The following NHSL2 variants were observed in gnomAD, a reference collection of about 807,000 sequenced individuals.
The protein encoded by NHSL2 is NHS-like protein 2.
In NHSL2, 27 loss-of-function variants were observed where a neutral mutation model predicts 53.4. The observed-to-expected ratio is 0.51, with a 90% confidence interval of 0.37 to 0.70. NHSL2 has a LOEUF of 0.70. Ranked by LOEUF, NHSL2 falls within the 30% of genes least tolerant of loss-of-function variation. The probability of loss-of-function intolerance (pLI) is 0.00; values close to 1 mark genes in which losing one functional copy is unlikely to be tolerated. For synonymous variants in NHSL2, 408 were observed against 404.1 expected (o/e 1.01, Z -0.12); for missense variants, 892 against 980.1 (o/e 0.91, Z 1.20).
intron 1 of NHSL2, among the ~76,000 whole-genome samples, chrX:71,924,409 GGGTA>G (rs2041674451): frequency 8.9e-6 from 1 of 111,804 alleles, no homozygotes; most frequent in African/African-American, 3.3e-5. Flanking sequence ...CCTACCCTAT[GGGTA>G]GGAGGCAGAG....
At chrX:72,111,513 T>C (rs2042093376) in intron 1 of NHSL2, among the ~76,000 whole-genome samples, 1 of 112,476 alleles carries the variant, frequency 8.9e-6, no homozygotes, top group Admixed American at 9.4e-5. Context: ...GAGACATTAT[T>C]ATTATCTCAG....
chrX:72,119,663 G>C (rs1218082953), intron 1 of NHSL2, among the ~76,000 whole-genome samples: 1 of 112,106 alleles, frequency 8.9e-6, no homozygotes, highest in Admixed American at 9.4e-5. Flanking sequence ...GATTCCTTAG[G>C]ATTTTCTATG....
intron 1 of NHSL2, among the ~76,000 whole-genome samples, chrX:72,084,121 T>A (rs1010954952): frequency 2.7e-5 from 3 of 112,485 alleles, no homozygotes; most frequent in African/African-American, 9.7e-5. Context: ...TATTGTAGCA[T>A]CTCTCACATT....
rs751212612 is a variant in NHSL2 at position 72,149,135 on chromosome X, C to G, written c.*5561C>G. The G allele has an allele frequency of 9.1e-6, 1 of 109,412 alleles. No individual in the cohort carries two copies. The highest frequency in any genetic ancestry group is 3.3e-5 in the African/African-American group (1 of 29,964). The allele number at this position is 109,412 out of a possible 1,213,427, so 9.0% of individuals were successfully genotyped here. A position where few individuals can be genotyped will look rare whatever the true frequency, so the allele number is the denominator to read the frequency against. ...TTAAAAAGAACTTATCATATTGGATCAACAAATTGCTCAACCTGCAAAATC... is the reference window on the plus strand; with the variant it reads ...TTAAAAAGAACTTATCATATTGGATGAACAAATTGCTCAACCTGCAAAATC... On this transcript the variant is annotated 3_prime_UTR_variant, in exon 8 of 8. Coordinates refer to ENST00000633930, the MANE Select transcript of NHSL2 (RefSeq NM_001013627.3).
rs1442049897 is a variant in NHSL2 at position 72,134,203 on chromosome X, G to A, written c.549G>A (p.Leu183=). The change falls in exon 3 of 8, where the codon CTG becomes CTA. Residue 183 remains leucine (L), a synonymous_variant. Transcript: ENST00000633930. The part of the protein sequence containing the change: ...PNPRPQSARR[L]EFILMPTKRQ... Reference sequence around the variant, plus strand: ...CAAGGCCCCAGTCTGCCAGGCGTCTGGAGTTTATATTGATGGTGAGTTGCC... The same window carrying A: ...CAAGGCCCCAGTCTGCCAGGCGTCTAGAGTTTATATTGATGGTGAGTTGCC... The A allele has an allele frequency of 4.3e-6, 5 of 1,167,028 alleles. No homozygotes were observed. The highest frequency in any genetic ancestry group is 5.7e-6 in the Non-Finnish European group (5 of 872,244).
intron 1 of NHSL2, among the ~76,000 whole-genome samples, chrX:71,928,347 G>C (rs2041695764): frequency 8.9e-6 from 1 of 112,235 alleles, no homozygotes; most frequent in African/African-American, 3.2e-5. Context: ...ATCCTGAAAA[G>C]GGGGAAATAT....
chrX:72,131,315 T>G lies in NHSL2; in HGVS notation c.281-764T>G. 3.3e-6 allele frequency: 4 copies of G among 1,200,507 alleles called. No individual in the cohort carries two copies. The highest frequency in any genetic ancestry group is 3.4e-6 in the Non-Finnish European group (3 of 889,930). On this transcript the variant is annotated intron_variant, in intron 1 of 7. Transcript: ENST00000633930. ...AGTTCTCCCCCGGGAATGACTTCGATCTCACTGAGCGCGAACTCCAAGTTC... is the reference window on the plus strand; with the variant it reads ...AGTTCTCCCCCGGGAATGACTTCGAGCTCACTGAGCGCGAACTCCAAGTTC...
Position 71,980,824 on chromosome X carries a change from G to A in NHSL2, c.280+69457G>A, listed in dbSNP as rs1048658901. Among the ~76,000 whole-genome samples, 8 of 111,402 alleles carry A rather than the reference G, an allele frequency of 7.2e-5. No homozygotes were observed. In the South Asian group the frequency reaches 1.9e-3, roughly 26 times the overall value. ...AAGGAGGATAGTAGAAAGATATACC[G>A]TGAAGAGTTACTGCAAAAATAAGAG... is the stretch of plus-strand genomic sequence containing the variant. On this transcript the variant is annotated intron_variant, in intron 1 of 7. Coordinates refer to ENST00000633930, the MANE Select transcript of NHSL2 (RefSeq NM_001013627.3).
rs1187551918 is a variant in NHSL2, at chrX:71,971,240, T to C, written c.280+59873T>C. Among the ~76,000 whole-genome samples, 7 of 112,162 alleles carry C rather than the reference T, an allele frequency of 6.2e-5. No individual in the cohort carries two copies. The East Asian group carries it at 1.9e-3, about 31-fold the overall frequency. ...TACACCTTAACTTGTCAGAATCTAC[T>C]TCAGATTTGTAGTAAGTTAATTCCA... On this transcript the variant is annotated intron_variant, in intron 1 of 7. Transcript: ENST00000633930.
chrX:72,019,641 C>T (rs925420249), intron 1 of NHSL2, among the ~76,000 whole-genome samples: 12 of 111,480 alleles, frequency 1.1e-4, no homozygotes, highest in Non-Finnish European at 1.7e-4. Flanking sequence ...CTGTTTGAAC[C>T]GAGTCTTGAA....
chrX:71,913,363 A>G (rs1208297180), intron 1 of NHSL2, among the ~76,000 whole-genome samples: 1 of 112,075 alleles, frequency 8.9e-6, no homozygotes, highest in African/African-American at 3.2e-5. Flanking sequence ...AAATGCAAAG[A>G]GAGTTGGGGA....
At chrX:71,925,735 T>C (rs1171061751) in intron 1 of NHSL2, among the ~76,000 whole-genome samples, 1 of 112,306 alleles carries the variant, frequency 8.9e-6, no homozygotes, top group Non-Finnish European at 1.9e-5. Context: ...TAACTCATTT[T>C]ATCCTCACAA....
chrX:71,936,287 T>C (rs1401585589), intron 1 of NHSL2, among the ~76,000 whole-genome samples: 1 of 112,110 alleles, frequency 8.9e-6, no homozygotes, highest in Non-Finnish European at 1.9e-5. Flanking sequence ...TCTCTCCTGC[T>C]CTGGGGCCCA....
In NHSL2 at chrX:71,938,925, C is replaced by T. The variant is rs544096402; in HGVS notation, c.280+27558C>T. 5.3e-5 allele frequency among the ~76,000 whole-genome samples: 6 copies of T among 112,515 alleles called. No homozygotes were observed. The South Asian group carries it at 1.8e-3, about 34-fold the overall frequency. On this transcript the variant is annotated intron_variant, in intron 1 of 7. Coordinates refer to ENST00000633930, the MANE Select transcript of NHSL2 (RefSeq NM_001013627.3). ...TTGATATGGTTTATACCGTAAGGTG[C>T]GGAGATGAGCAAAACAGACAATGTC...
intron 1 of NHSL2, among the ~76,000 whole-genome samples, chrX:71,983,383 T>C (rs770121346): frequency 2.7e-5 from 3 of 111,415 alleles, no homozygotes; most frequent in African/African-American, 9.7e-5. Flanking sequence ...AGTGGGAGGA[T>C]TGCTTGAGCC....
intron 1 of NHSL2, among the ~76,000 whole-genome samples, chrX:72,090,565 T>G (rs956441545): frequency 8.9e-6 from 1 of 111,804 alleles, no homozygotes; most frequent in Non-Finnish European, 1.9e-5. Flanking sequence ...ATTTTGCTTT[T>G]GCTTATTACT....
At chrX:71,996,174 G>A (rs1186402704) in intron 1 of NHSL2, among the ~76,000 whole-genome samples, 2 of 113,369 alleles carry the variant, frequency 1.8e-5, no homozygotes, top group Admixed American at 1.8e-4. Flanking sequence ...GGCAAGGTGG[G>A]GGCCTGGCCA....
At chrX:72,034,576 T>G (rs899911948) in intron 1 of NHSL2, among the ~76,000 whole-genome samples, 1 of 111,856 alleles carries the variant, frequency 8.9e-6, no homozygotes, top group Non-Finnish European at 1.9e-5. Context: ...TTTTGGAAGC[T>G]TTTAAAAATT....
intron 1 of NHSL2, among the ~76,000 whole-genome samples, chrX:72,058,763 C>T: frequency 8.9e-6 from 1 of 112,664 alleles, no homozygotes; most frequent in Middle Eastern, 4.6e-3. Context: ...TGCTACCTGA[C>T]CTGGCTTGCT....
Sources: allele counts gnomAD v4.1 joint callset (sites outside exome capture counted in the v4.1 genomes callset), GRCh38; gene constraint gnomAD v4.1.1; transcripts MANE v1.5; gene names NCBI Gene and HGNC (gene_info 2026-07-23, HGNC 2026-07-21).